The following ARHGEF7 variants were observed in gnomAD, a reference collection of about 807,000 sequenced individuals.
ARHGEF7 encodes the protein Rho guanine nucleotide exchange factor 7.
A neutral mutation model predicts 109.8 loss-of-function variants in ARHGEF7; 33 were observed. That is an observed-to-expected ratio of 0.30 (90% confidence interval 0.23 to 0.40). The LOEUF is 0.40. Ranked by LOEUF, ARHGEF7 falls within the 10% of genes least tolerant of loss-of-function variation. The probability of loss-of-function intolerance (pLI) is 1.00; values close to 1 mark genes in which losing one functional copy is unlikely to be tolerated. For missense variants in ARHGEF7, 938 were observed against 1,098.5 expected (o/e 0.85, Z 2.07); for synonymous variants, 458 against 424.6 (o/e 1.08, Z -0.97).
intron 5 of ARHGEF7, among the ~76,000 whole-genome samples, chr13:111,221,403 A>ATC (rs1420566766): frequency 4.9e-5 from 1 of 20,376 alleles, no homozygotes; most frequent in Non-Finnish European, 9.3e-5. Context: ...CTATATATCT[A>ATC]TATATATAGA....
At position 111,266,381 on chromosome 13, in the gene ARHGEF7, C is replaced by A. The variant is rs76702991; in HGVS notation, c.951-1167C>A. 0.022 allele frequency among the ~76,000 whole-genome samples: 3,350 copies of A among 152,100 alleles called. 124 individuals carry two copies. Among genetic ancestry groups the A allele is most frequent in the African/African-American group, 0.077 (3,193 of 41,498 alleles). Reference sequence around the variant, plus strand: ...TCGGTCTTCTTTTGGCCTGTGTCGACGCTCGTGGACACCTTCGCTCTTGTG... The same window carrying A: ...TCGGTCTTCTTTTGGCCTGTGTCGAAGCTCGTGGACACCTTCGCTCTTGTG... On this transcript the variant is annotated intron_variant, in intron 8 of 21. Transcript: ENST00000646102. The surrounding 1 kb of genome is among the most constrained non-coding windows in gnomAD (Gnocchi z 4.8).
At chr13:111,274,548 A>G (rs1458332412) in intron 10 of ARHGEF7, among the ~76,000 whole-genome samples, 183 bp from the exon 11 acceptor site, 1 of 152,184 alleles carries the variant, frequency 6.6e-6, no homozygotes, top group Non-Finnish European at 1.5e-5. Context: ...CTTCCAACTT[A>G]TATTTCCCCA....
At chr13:111,241,122 C>A in intron 6 of ARHGEF7, 1 of 1,516,818 alleles carries the variant, frequency 6.6e-7, no homozygotes, top group Non-Finnish European at 8.8e-7. Flanking sequence ...CTCTCCATGC[C>A]TCGTGACCCC....
At chr13:111,238,601 G>A (rs569961940) in intron 6 of ARHGEF7, among the ~76,000 whole-genome samples, 7 of 152,274 alleles carry the variant, frequency 4.6e-5, no homozygotes, top group African/African-American at 1.4e-4. Flanking sequence ...TGATGTGCCC[G>A]AGCTTGGTGG....
At chr13:111,244,633 C>T (rs559826140) in intron 8 of ARHGEF7, among the ~76,000 whole-genome samples, 15 of 152,264 alleles carry the variant, frequency 9.9e-5, no homozygotes, top group East Asian at 1.9e-4. Flanking sequence ...CTGAGTGCTG[C>T]GCAGGGGGCC....
chr13:111,204,819 C>A (rs2081592046), intron 2 of ARHGEF7, among the ~76,000 whole-genome samples: 1 of 152,226 alleles, frequency 6.6e-6, no homozygotes, highest in African/African-American at 2.4e-5. Flanking sequence ...ACTCTGCTCT[C>A]TGATGTCCGC....
chr13:111,302,574 C>T (rs1337819114), intron 21 of ARHGEF7, among the ~76,000 whole-genome samples: 3 of 152,224 alleles, frequency 2.0e-5, no homozygotes, highest in African/African-American at 7.2e-5. Flanking sequence ...CTGGGTTCAG[C>T]TGCACAGAGC....
At chr13:111,210,740 G>T (rs967354951) in intron 4 of ARHGEF7, among the ~76,000 whole-genome samples, 3 of 152,284 alleles carry the variant, frequency 2.0e-5, no homozygotes, top group African/African-American at 7.2e-5. Context: ...CAGTGACTTC[G>T]ATTGGCTGCT....
chr13:111,206,635 T>C (rs1479506321), intron 3 of ARHGEF7, among the ~76,000 whole-genome samples: 1 of 152,128 alleles, frequency 6.6e-6, no homozygotes, highest in African/African-American at 2.4e-5. Context: ...GTCTCTACAA[T>C]CTAAAAATGA....
intron 2 of ARHGEF7, among the ~76,000 whole-genome samples, chr13:111,175,072 G>C (rs547555817): frequency 7.1e-4 from 108 of 152,308 alleles, no homozygotes; most frequent in South Asian, 5.4e-3. Context: ...CTTTCCACAA[G>C]GTAGATCTGC....
At chr13:111,249,429 G>A (rs1446926298) in intron 8 of ARHGEF7, among the ~76,000 whole-genome samples, 2 of 151,810 alleles carry the variant, frequency 1.3e-5, no homozygotes, top group African/African-American at 4.8e-5. Context: ...AGTATTTAAA[G>A]GGGAAAGAAC....
intron 2 of ARHGEF7, chr13:111,159,002 T>A: frequency 1.4e-6 from 1 of 718,146 alleles, no homozygotes. Flanking sequence ...ACCCTTTGAC[T>A]AACATCTCCC....
At chr13:111,295,680 A>G (rs1010426580) in intron 19 of ARHGEF7, among the ~76,000 whole-genome samples, 1 of 152,220 alleles carries the variant, frequency 6.6e-6, no homozygotes, top group Non-Finnish European at 1.5e-5. Context: ...CTCTCTCAGC[A>G]CAAGTTGGGA....
intron 1 of ARHGEF7, among the ~76,000 whole-genome samples, chr13:111,133,783 ATATATATATATATATATATATATAT>A (rs2074926035): frequency 2.7e-5 from 2 of 75,394 alleles, no homozygotes; most frequent in African/African-American, 4.5e-5. Context: ...ATATATATAT[ATATATATATATATATATATATATAT>A]ATATATTTAT....
intron 19 of ARHGEF7, chr13:111,294,066 C>T: frequency 3.0e-6 from 3 of 985,344 alleles, no homozygotes; most frequent in Non-Finnish European, 3.6e-6. Context: ...TATTTTCATA[C>T]CAATTAGTAA....
chr13:111,179,371 A>G (rs2153427367), intron 2 of ARHGEF7, among the ~76,000 whole-genome samples: 1 of 152,282 alleles, frequency 6.6e-6, no homozygotes, highest in South Asian at 2.1e-4. Flanking sequence ...GGAATGAGCC[A>G]CTGCACCCGG....
At position 111,210,021 on chromosome 13, in the gene ARHGEF7, GTTAC is replaced by G. The variant is rs1322691691; in HGVS notation, c.468+23_468+26del. On this transcript the variant is annotated intron_variant, in intron 4 of 21. Coordinates refer to ENST00000646102, the MANE Select transcript of ARHGEF7 (RefSeq NM_001354046.2). ...GAGTTTGGTAAGTTTGAGAGATTTT[GTTAC>G]TTAAATATGTTTGGGAAGGATATGA... is the stretch of plus-strand genomic sequence containing the variant. The G allele has an allele frequency of 1.2e-6, 2 of 1,613,978 alleles. No individual in the cohort carries two copies. The highest frequency in any genetic ancestry group is 1.7e-6 in the Non-Finnish European group (2 of 1,179,982).
At position 111,266,873 on chromosome 13, in the gene ARHGEF7, C is replaced by G. The variant is rs1259118986; in HGVS notation, c.951-675C>G. 2 of 456,072 alleles carry G rather than the reference C, an allele frequency of 4.4e-6. No homozygotes were observed. The highest frequency in any genetic ancestry group is 3.1e-5 in the South Asian group (2 of 64,562). 28.3% of individuals were successfully genotyped at this position (456,072 alleles called of 1,614,324 possible). On this transcript the variant is annotated intron_variant, in intron 8 of 21. Coordinates refer to ENST00000646102, the MANE Select transcript of ARHGEF7 (RefSeq NM_001354046.2). This position sits in a 1 kb window ranked among gnomAD's most constrained non-coding sequence, Gnocchi z 4.8. ...TTGTTGCTGTTGTCCTTCAGAAACT[C>G]TGAGGTCTGGAGAGGTGAGCGTGTA...
intron 1 of ARHGEF7, among the ~76,000 whole-genome samples, chr13:111,127,721 C>T (rs994040895): frequency 2.7e-5 from 4 of 149,258 alleles, no homozygotes; most frequent in Non-Finnish European, 5.9e-5. Context: ...ACTTCCCAAA[C>T]CATTCTAAGT....
Sources: gnomAD v4.1 joint callset for allele counts (sites outside exome capture counted in the v4.1 genomes callset) on GRCh38, gnomAD v4.1.1 for gene constraint, Gnocchi (gnomAD v3.1) non-coding constraint, MANE v1.5 for transcripts, NCBI Gene and HGNC (gene_info 2026-07-23, HGNC 2026-07-21) for gene names.